Variants in GPM6B observed in about 807,000 individuals in gnomAD.
The protein encoded by GPM6B is glycoprotein M6B.
In GPM6B, 4 loss-of-function variants were observed where a neutral mutation model predicts 27.2. The ratio of observed to expected loss-of-function variants is 0.15; its 90% CI spans 0.07 to 0.34. The LOEUF is 0.34. Among genes scored for constraint, GPM6B ranks in the 10% least tolerant of loss-of-function variants. The pLI, the probability that GPM6B is intolerant of heterozygous loss-of-function variation, is 1.00. For missense variants in GPM6B, 183 were observed against 261.9 expected (o/e 0.70, Z 2.08); for synonymous variants, 124 against 103.1 (o/e 1.20, Z -1.23).
intron 1 of GPM6B, among the ~76,000 whole-genome samples, chrX:13,863,999 A>G (rs73453292): frequency 0.035 from 3,911 of 112,323 alleles, 170 homozygotes; most frequent in African/African-American, 0.12. Context: ...TTGAAAACAA[A>G]TAATAGCAGG....
rs182145596 is a variant in GPM6B at position 13,824,626 on chromosome X, T to C, written c.-197-38818A>G. Among the ~76,000 whole-genome samples the C allele has an allele frequency of 5.2e-3, 582 of 111,291 alleles. 4 individuals carry two copies. The highest frequency in any genetic ancestry group is 8.8e-3 in the Non-Finnish European group (467 of 52,933). The stretch of plus-strand genomic sequence containing the variant: ...AGGGCAGAGTCAGGGCGACCATACT[T>C]GATTAGGGAAGAGGTGGGGACTGCA... On this transcript the variant is annotated intron_variant, in intron 1 of 6. Coordinates refer to the GPM6B transcript ENST00000398361.
At chrX:13,894,765 C>G (rs1252802587) in intron 1 of GPM6B, among the ~76,000 whole-genome samples, 1 of 112,339 alleles carries the variant, frequency 8.9e-6, no homozygotes, top group Non-Finnish European at 1.9e-5. Context: ...TATGGAACCA[C>G]TTTACATGTT....
At chrX:13,921,636 C>T (rs1920977533) in intron 1 of GPM6B, among the ~76,000 whole-genome samples, 1 of 101,414 alleles carries the variant, frequency 9.9e-6, no homozygotes, top group South Asian at 5.3e-4. Context: ...AGTGCCGTGG[C>T]GCAATCTCAG....
intron 1 of GPM6B, chrX:13,889,683 G>T (rs978534780): frequency 9.1e-6 from 1 of 110,283 alleles, no homozygotes; most frequent in Non-Finnish European, 1.9e-5. Flanking sequence ...TACATAACAT[G>T]AACTTTACAG....
chrX:13,866,249 G>C (rs141390917), intron 1 of GPM6B, among the ~76,000 whole-genome samples: 1,529 of 112,382 alleles, frequency 0.014, 19 homozygotes, highest in Non-Finnish European at 0.02. Flanking sequence ...TGTAATCCCA[G>C]CTACTAGGGA....
intron 1 of GPM6B, among the ~76,000 whole-genome samples, chrX:13,887,356 C>G (rs899858114): frequency 7.1e-5 from 8 of 112,136 alleles, no homozygotes; most frequent in Non-Finnish European, 1.5e-4. Flanking sequence ...GGCATACCAT[C>G]TTGATTACAC....
intron 2 of GPM6B, among the ~76,000 whole-genome samples, chrX:13,790,325 C>CCATTTGT (rs1357772050): frequency 2.7e-5 from 3 of 112,210 alleles, no homozygotes; most frequent in African/African-American, 9.7e-5. Context: ...TATGAGTGGA[C>CCATTTGT]CATTTGTCAT....
intron 1 of GPM6B, among the ~76,000 whole-genome samples, chrX:13,875,335 T>C (rs1374388218): frequency 9.0e-6 from 1 of 111,118 alleles, no homozygotes; most frequent in African/African-American, 3.3e-5. Context: ...TAAGGATGCA[T>C]GAATTATGGG....
intron 1 of GPM6B, among the ~76,000 whole-genome samples, chrX:13,827,649 C>T (rs1019287874): frequency 1.8e-5 from 2 of 111,896 alleles, no homozygotes; most frequent in Admixed American, 9.5e-5. Flanking sequence ...CCAAGGTAGG[C>T]GGATCTCAAC....
intron 2 of GPM6B, among the ~76,000 whole-genome samples, chrX:13,803,123 T>TA (rs1213199821): frequency 9.0e-6 from 1 of 111,507 alleles, no homozygotes; most frequent in African/African-American, 3.3e-5. Context: ...TCCCAGGACT[T>TA]ATAGCTACAG....
intron 3 of GPM6B, 89 bp downstream of exon 3, chrX:13,785,533 C>A (rs2048593820): frequency 1.1e-6 from 1 of 890,615 alleles, no homozygotes; most frequent in African/African-American, 2.0e-5. Context: ...GGTGATCTGC[C>A]TGCCTCAGCC....
intron 2 of GPM6B, among the ~76,000 whole-genome samples, chrX:13,794,059 T>C (rs2048762222): frequency 1.8e-5 from 2 of 112,412 alleles, no homozygotes; most frequent in African/African-American, 6.5e-5. Flanking sequence ...CATTTACATA[T>C]GGTCTATGGC....
chrX:13,869,386 A>G (rs2049952247), intron 1 of GPM6B, among the ~76,000 whole-genome samples: 1 of 110,533 alleles, frequency 9.0e-6, no homozygotes, highest in South Asian at 3.9e-4. Context: ...AGGGGACAAA[A>G]ACGTTCCAAA....
chrX:13,780,098 T>C (rs989582401), intron 4 of GPM6B, 109 bp from the exon 5 acceptor site: 24 of 619,051 alleles, frequency 3.9e-5, no homozygotes, highest in African/African-American at 6.7e-5. Context: ...GTGGAACACA[T>C]TGTGGGGACC....
intron 7 of GPM6B, chrX:13,773,774 A>AC (rs752515320): frequency 8.5e-6 from 1 of 117,758 alleles, no homozygotes; most frequent in East Asian, 2.8e-4. Flanking sequence ...CATATTTGAG[A>AC]CCTTCAGGTC....
chrX:13,784,656 CAT>C (rs1028416011), intron 3 of GPM6B, among the ~76,000 whole-genome samples: 3 of 111,634 alleles, frequency 2.7e-5, no homozygotes, highest in Non-Finnish European at 3.8e-5. Flanking sequence ...AAGGGGAAGA[CAT>C]GTGAAGGAAA....
At chrX:13,865,795 C>A (rs935296343) in intron 1 of GPM6B, among the ~76,000 whole-genome samples, 1 of 107,934 alleles carries the variant, frequency 9.3e-6, no homozygotes, top group Non-Finnish European at 1.9e-5. Context: ...AAGAAAAAAA[C>A]CCCATTCTCT....
At chrX:13,871,079 A>AAAAACAAAAC (rs1555924628) in intron 1 of GPM6B, among the ~76,000 whole-genome samples, 16 of 85,431 alleles carry the variant, frequency 1.9e-4, no homozygotes, top group Admixed American at 5.5e-4. Flanking sequence ...AAACAAAAAC[A>AAAAACAAAAC]AAAACAAAAC....
At chrX:13,925,881 C>A (rs1037447076) in intron 1 of GPM6B, among the ~76,000 whole-genome samples, 6 of 107,280 alleles carry the variant, frequency 5.6e-5, no homozygotes, top group Non-Finnish European at 1.2e-4. Context: ...GGTGAAACCC[C>A]ATCTCTACTA....
Sources: allele counts gnomAD v4.1 joint callset (sites outside exome capture counted in the v4.1 genomes callset), GRCh38; gene constraint gnomAD v4.1.1; transcripts MANE v1.5; gene names NCBI Gene and HGNC (gene_info 2026-07-23, HGNC 2026-07-21).